Variants in HHAT observed in about 807,000 individuals in gnomAD.
HHAT encodes protein-cysteine N-palmitoyltransferase HHAT.
Under a neutral mutation model 70.8 loss-of-function variants are expected in HHAT, and 47 were observed. That is an observed-to-expected ratio of 0.66 (90% CI 0.53 to 0.85). The LOEUF (loss-of-function observed/expected upper bound fraction) is 0.85. Among genes scored for constraint, HHAT ranks in the 40% least tolerant of loss-of-function variants. HHAT has a pLI of 0.00. For missense variants in HHAT, 609 were observed against 604.8 expected, an observed-to-expected ratio of 1.01 and a Z score of -0.07; for synonymous variants, 228 against 247.6, an observed-to-expected ratio of 0.92 and a Z score of 0.74.
intron 7 of HHAT, among the ~76,000 whole-genome samples, chr1:210,459,406 A>G (rs2093934775): frequency 1.3e-5 from 2 of 152,320 alleles, no homozygotes; most frequent in South Asian, 4.1e-4. Context: ...TATGGCAGAT[A>G]TTAAGTGCTG....
chr1:210,329,016 G>T lies in HHAT; in HGVS notation c.-132G>T. On this transcript the variant is annotated 5_prime_UTR_variant, in exon 1 of 12. Coordinates refer to ENST00000261458, the MANE Select transcript of HHAT (RefSeq NM_018194.6). ...GAAGCCCGCAGCCGCCGCCGATGTCGCTGGGACTCGGAAGTGCCGAAAGAG... is the reference window on the plus strand; with the variant it reads ...GAAGCCCGCAGCCGCCGCCGATGTCTCTGGGACTCGGAAGTGCCGAAAGAG... The T allele has an allele frequency of 2.9e-6, 4 of 1,397,164 alleles. No individual in the cohort carries two copies. The highest frequency in any genetic ancestry group is 3.7e-6 in the Non-Finnish European group (4 of 1,075,672). The allele number at this position is 1,397,164 out of a possible 1,614,324, so 86.5% of individuals were successfully genotyped here. A position where few individuals can be genotyped will look rare whatever the true frequency, so the allele number is the denominator to read the frequency against.
intron 9 of HHAT, among the ~76,000 whole-genome samples, chr1:210,555,867 T>C (rs1263561972): frequency 1.3e-5 from 2 of 152,136 alleles, no homozygotes; most frequent in African/African-American, 2.4e-5. Context: ...TTAAGCCCTG[T>C]GAGGAGAAGT....
chr1:210,615,803 G>A (rs753694593), intron 10 of HHAT, among the ~76,000 whole-genome samples: 4 of 152,218 alleles, frequency 2.6e-5, no homozygotes, highest in East Asian at 3.9e-4. Context: ...TGGAGGTTTC[G>A]TCTCAGAGGG....
At chr1:210,645,177 G>C (rs758434557) in intron 11 of HHAT, among the ~76,000 whole-genome samples, 1 of 152,152 alleles carries the variant, frequency 6.6e-6, no homozygotes, top group Non-Finnish European at 1.5e-5. Flanking sequence ...GACGGGACAG[G>C]CTTGCCGTCA....
intron 7 of HHAT, among the ~76,000 whole-genome samples, chr1:210,461,257 G>A (rs988216333): frequency 2.0e-5 from 3 of 152,170 alleles, no homozygotes; most frequent in Non-Finnish European, 4.4e-5. Context: ...AAGGGAAAGA[G>A]ACTAATTTTT....
intron 6 of HHAT, among the ~76,000 whole-genome samples, chr1:210,405,219 C>T (rs1343593548): frequency 1.3e-5 from 2 of 152,020 alleles, no homozygotes; most frequent in Non-Finnish European, 2.9e-5. Flanking sequence ...TCTGGATCCC[C>T]CTTTGTGCCC....
intron 3 of HHAT, among the ~76,000 whole-genome samples, chr1:210,373,736 A>G (rs1177395486): frequency 2.6e-5 from 4 of 152,204 alleles, no homozygotes; most frequent in Admixed American, 2.6e-4. Flanking sequence ...GGAGTCCTTT[A>G]AGGAGCTTGC....
intron 1 of HHAT, among the ~76,000 whole-genome samples, chr1:210,344,440 T>G (rs1347641383): frequency 6.6e-6 from 1 of 151,988 alleles, no homozygotes; most frequent in Non-Finnish European, 1.5e-5. Flanking sequence ...GCCCATTAGG[T>G]GAATTGGTGT....
chr1:210,457,059 T>C (rs931713694), intron 7 of HHAT, among the ~76,000 whole-genome samples: 7 of 152,166 alleles, frequency 4.6e-5, no homozygotes, highest in African/African-American at 1.4e-4. Context: ...GTTACAGAAC[T>C]CCTGTGGGGC....
chr1:210,544,232 A>G (rs1019664455), intron 9 of HHAT, among the ~76,000 whole-genome samples: 2 of 152,218 alleles, frequency 1.3e-5, no homozygotes, highest in Non-Finnish European at 2.9e-5. Flanking sequence ...AGCTGGTGAT[A>G]TGTACAGTTT....
At chr1:210,482,243 T>C (rs1408983502) in intron 8 of HHAT, among the ~76,000 whole-genome samples, 1 of 152,126 alleles carries the variant, frequency 6.6e-6, no homozygotes, top group Non-Finnish European at 1.5e-5. Flanking sequence ...CCCAAATCAT[T>C]CCCAGATCAC....
chr1:210,627,750 T>C (rs956601602), intron 11 of HHAT, among the ~76,000 whole-genome samples: 3 of 152,172 alleles, frequency 2.0e-5, no homozygotes, highest in African/African-American at 7.2e-5. Context: ...TAAAAAAAAC[T>C]CCAAATTTTT....
At chr1:210,507,167 A>G (rs2094870799) in intron 8 of HHAT, among the ~76,000 whole-genome samples, 1 of 152,142 alleles carries the variant, frequency 6.6e-6, no homozygotes, top group African/African-American at 2.4e-5. Flanking sequence ...GAATAAAGAC[A>G]CAAGCCTTTA....
chr1:210,332,198 T>TCGTA (rs1411222200), intron 1 of HHAT, among the ~76,000 whole-genome samples: 3 of 152,220 alleles, frequency 2.0e-5, no homozygotes, highest in Non-Finnish European at 2.9e-5. Flanking sequence ...GTGAAACCAG[T>TCGTA]CGTAGCAGTC....
intron 9 of HHAT, among the ~76,000 whole-genome samples, chr1:210,557,511 C>T (rs2095583498): frequency 6.6e-6 from 1 of 152,158 alleles, no homozygotes; most frequent in African/African-American, 2.4e-5. Flanking sequence ...TCTGTTTTCA[C>T]ACTGCTGATA....
At chr1:210,419,972 A>T (rs748756853) in intron 7 of HHAT, among the ~76,000 whole-genome samples, 2 of 152,190 alleles carry the variant, frequency 1.3e-5, no homozygotes, top group African/African-American at 2.4e-5. Context: ...TATAACAATG[A>T]TACTTAAGAT....
intron 3 of HHAT, among the ~76,000 whole-genome samples, chr1:210,374,422 A>C (rs906352515): frequency 6.6e-6 from 1 of 152,222 alleles, no homozygotes; most frequent in Admixed American, 6.5e-5. Context: ...GTCAAAAGAA[A>C]TATTCTTTTA....
intron 10 of HHAT, among the ~76,000 whole-genome samples, chr1:210,590,765 A>C (rs1396732201): frequency 6.6e-6 from 1 of 152,134 alleles, no homozygotes; most frequent in African/African-American, 2.4e-5. Context: ...AACACCCATG[A>C]ATAATACTTA....
At chr1:210,614,456 C>T (rs1667253568) in intron 10 of HHAT, among the ~76,000 whole-genome samples, 1 of 152,034 alleles carries the variant, frequency 6.6e-6, no homozygotes, top group Non-Finnish European at 1.5e-5. Flanking sequence ...TACATGTGCA[C>T]AATGTGCAGG....
Sources: allele counts gnomAD v4.1 joint callset (sites outside exome capture counted in the v4.1 genomes callset), GRCh38; gene constraint gnomAD v4.1.1; transcripts MANE v1.5; gene names NCBI Gene and HGNC (gene_info 2026-07-23, HGNC 2026-07-21).